Variants in RALYL observed in about 807,000 individuals in gnomAD.
RALYL encodes the protein RNA-binding Raly-like protein.
RALYL carries 29 observed loss-of-function variants against 35.1 expected under a neutral mutation model. The ratio of observed to expected loss-of-function variants is 0.83; its 90% CI spans 0.61 to 1.13. The LOEUF is 1.13. Among genes scored for constraint, RALYL ranks in the 50% most tolerant of loss-of-function variants. The pLI is 0.00. For missense variants in RALYL, 359 were observed against 360.4 expected, an observed-to-expected ratio of 1.00 and a Z score of 0.03; for synonymous variants, 120 against 127.6, an observed-to-expected ratio of 0.94 and a Z score of 0.40.
intron 2 of RALYL, among the ~76,000 whole-genome samples, chr8:84,769,318 A>C (rs1252373519): frequency 2.6e-5 from 4 of 152,098 alleles, no homozygotes; most frequent in Admixed American, 2.6e-4. Flanking sequence ...TCTACTCAGA[A>C]CCCTAAATTA....
chr8:84,789,373 C>G (rs1319115692), intron 3 of RALYL, among the ~76,000 whole-genome samples: 1 of 152,164 alleles, frequency 6.6e-6, no homozygotes, highest in Non-Finnish European at 1.5e-5. Context: ...CTAAAACTAT[C>G]TACAACATCA....
chr8:84,860,734 C>T (rs1200280234), intron 5 of RALYL, among the ~76,000 whole-genome samples: 1 of 152,176 alleles, frequency 6.6e-6, no homozygotes, highest in Non-Finnish European at 1.5e-5. Context: ...CTCTCTTGAA[C>T]TCTGTCTCAT....
At chr8:84,529,983 T>C (rs1287394113) in intron 2 of RALYL, among the ~76,000 whole-genome samples, 1 of 152,150 alleles carries the variant, frequency 6.6e-6, no homozygotes, top group Non-Finnish European at 1.5e-5. Context: ...TTCCTATGTT[T>C]TGGAGGAGAA....
At chr8:84,869,303 A>G (rs1586867035) in intron 6 of RALYL, among the ~76,000 whole-genome samples, 3 of 152,222 alleles carry the variant, frequency 2.0e-5, no homozygotes, top group Non-Finnish European at 2.9e-5. Context: ...TATTGTTGAA[A>G]TACTGTATTT....
At chr8:84,234,949 G>C (rs1230483489) in intron 1 of RALYL, among the ~76,000 whole-genome samples, 3 of 151,920 alleles carry the variant, frequency 2.0e-5, no homozygotes, top group African/African-American at 7.3e-5. Flanking sequence ...ATTTTTAGTA[G>C]AGACGGAGTT....
At chr8:84,444,292 G>A (rs947233063) in intron 1 of RALYL, among the ~76,000 whole-genome samples, 22 of 151,938 alleles carry the variant, frequency 1.4e-4, no homozygotes, top group African/African-American at 5.3e-4. Context: ...TCATTTCTCT[G>A]CACACTAGCC....
At chr8:84,269,877 T>C (rs982732259) in intron 1 of RALYL, among the ~76,000 whole-genome samples, 5 of 152,124 alleles carry the variant, frequency 3.3e-5, no homozygotes, top group Admixed American at 2.0e-4. Context: ...AACTCATTAT[T>C]TGATTATTAA....
chr8:84,301,788 G>A (rs1440995008), intron 1 of RALYL, among the ~76,000 whole-genome samples: 1 of 151,972 alleles, frequency 6.6e-6, no homozygotes, highest in Non-Finnish European at 1.5e-5. Context: ...CATTGAGAAA[G>A]TGTTTTTTAT....
chr8:84,331,216 G>A (rs1235546624), intron 1 of RALYL, among the ~76,000 whole-genome samples: 2 of 152,058 alleles, frequency 1.3e-5, no homozygotes, highest in African/African-American at 4.8e-5. Context: ...GCCTATTAGA[G>A]TAGTTAGCCA....
At chr8:84,735,665 T>G (rs1384673086) in intron 2 of RALYL, among the ~76,000 whole-genome samples, 1 of 152,022 alleles carries the variant, frequency 6.6e-6, no homozygotes, top group Non-Finnish European at 1.5e-5. Context: ...CTATCTACCC[T>G]TTTTACTAGT....
chr8:84,710,405 G>A (rs34970569), intron 2 of RALYL, among the ~76,000 whole-genome samples: 8 of 151,872 alleles, frequency 5.3e-5, no homozygotes, highest in African/African-American at 1.9e-4. Flanking sequence ...AGGTTCAAGC[G>A]ATTCTCCTTC....
chr8:84,540,335 GTGTA>G (rs939012318), intron 2 of RALYL, among the ~76,000 whole-genome samples: 6 of 151,772 alleles, frequency 4.0e-5, no homozygotes, highest in African/African-American at 1.5e-4. Context: ...GTGTGTGTGT[GTGTA>G]TGTGTAAACT....
intron 2 of RALYL, among the ~76,000 whole-genome samples, chr8:84,738,934 C>A (rs1041547693): frequency 1.3e-5 from 2 of 152,020 alleles, no homozygotes; most frequent in South Asian, 4.1e-4. Context: ...TATTCCTAAA[C>A]CAATCATTCC....
chr8:84,679,695 TG>T (rs1834968324), intron 2 of RALYL: 1 of 512,392 alleles, frequency 2.0e-6, no homozygotes, highest in African/African-American at 2.0e-5. Flanking sequence ...ATTCATCAGT[TG>T]GATGGCTTTG....
In RALYL at chr8:84,529,428, T is replaced by C. The variant is rs200973667; in HGVS notation, c.107T>C (p.Val36Ala). 1.1e-3 allele frequency: 1,731 copies of C among 1,613,316 alleles called. 1 individual carries two copies. The highest frequency in any genetic ancestry group is 1.4e-3 in the Non-Finnish European group (1,649 of 1,179,692). The change falls in exon 2 of 9, where the codon GTT becomes GCT. Residue 36 changes from valine to alanine, a missense_variant. Transcript: ENST00000521268. ...CTAAATACGGCAATTGTCAAGAAAG[T>C]TGACATTGAAGCCATTTTTTCAAAG... ...GNLNTAIVKK[V>A]DIEAIFSKYG...
intron 1 of RALYL, among the ~76,000 whole-genome samples, chr8:84,219,973 G>T (rs112018458): frequency 6.6e-6 from 1 of 151,938 alleles, no homozygotes; most frequent in African/African-American, 2.4e-5. Context: ...TTTATATTTT[G>T]TCCATCACAA....
chr8:84,779,496 C>T (rs1265160307), intron 3 of RALYL, among the ~76,000 whole-genome samples: 1 of 152,126 alleles, frequency 6.6e-6, no homozygotes, highest in African/African-American at 2.4e-5. Flanking sequence ...AAAAATCAAT[C>T]ATCTGGTACT....
At chr8:84,370,055 T>C (rs1855370830) in intron 1 of RALYL, among the ~76,000 whole-genome samples, 1 of 152,132 alleles carries the variant, frequency 6.6e-6, no homozygotes, top group Admixed American at 6.6e-5. Flanking sequence ...TGGGACACAA[T>C]TCCAACAGTG....
intron 4 of RALYL, among the ~76,000 whole-genome samples, chr8:84,835,030 C>T (rs867912025): frequency 6.6e-6 from 1 of 152,040 alleles, no homozygotes; most frequent in African/African-American, 2.4e-5. Flanking sequence ...ACAGTTAAAA[C>T]AAAGAGATGG....
Sources: allele counts gnomAD v4.1 joint callset (sites outside exome capture counted in the v4.1 genomes callset), GRCh38; gene constraint gnomAD v4.1.1; transcripts MANE v1.5; gene names NCBI Gene and HGNC (gene_info 2026-07-23, HGNC 2026-07-21).